WNT5B: variants seen among roughly 807,000 people sequenced by gnomAD.
The protein encoded by WNT5B is Wnt family member 5B, also known as protein Wnt-5b.
Under a neutral mutation model 36.5 loss-of-function variants are expected in WNT5B, and 18 were observed. The ratio of observed to expected loss-of-function variants is 0.49; its 90% CI spans 0.34 to 0.73. WNT5B has a LOEUF of 0.73. Among genes scored for constraint, WNT5B ranks in the 30% least tolerant of loss-of-function variants. The probability of loss-of-function intolerance (pLI) is 0.01; values close to 1 mark genes in which losing one functional copy is unlikely to be tolerated. For missense variants in WNT5B, 424 were observed against 508.4 expected, an observed-to-expected ratio of 0.83 and a Z score of 1.60; for synonymous variants, 213 against 212.3, an observed-to-expected ratio of 1.00 and a Z score of -0.03.
intron 4 of WNT5B, among the ~76,000 whole-genome samples, chr12:1,641,573 C>G (rs562535107): frequency 1.3e-5 from 2 of 151,980 alleles, no homozygotes; most frequent in Non-Finnish European, 2.9e-5. Context: ...GAGGCTGAGG[C>G]GGGTGGATCA....
chr12:1,622,107 CTTTTTTTTTTT>C (rs35497935), intron 1 of WNT5B, among the ~76,000 whole-genome samples: 1 of 99,054 alleles, frequency 1.0e-5, no homozygotes, highest in African/African-American at 4.1e-5. Flanking sequence ...TCTGACACTT[CTTTTTTTTTTT>C]TTTTTTTTTT....
chr12:1,639,619 G>C (rs966064680), intron 3 of WNT5B, 65 bp from the exon 4 acceptor site: 7 of 1,427,336 alleles, frequency 4.9e-6, no homozygotes, highest in Middle Eastern at 1.9e-4. Context: ...GGGGGAGACG[G>C]GGGGAAGGAC....
chr12:1,646,012 T>C lies in WNT5B; in HGVS notation c.840T>C (p.Tyr280=), dbSNP rs764426256. 16 of 1,612,448 alleles carry C rather than the reference T, an allele frequency of 9.9e-6. No individual in the cohort carries two copies. Among genetic ancestry groups the C allele is most frequent in the Non-Finnish European group, 3.4e-6 (4 of 1,179,948 alleles). ...FTQPTPEDLV[Y]VDPSPDYCLR... Reference sequence around the variant, plus strand: ...AGCCCACCCCGGAGGACCTGGTCTATGTGGACCCCAGCCCCGACTACTGCC... The same window carrying C: ...AGCCCACCCCGGAGGACCTGGTCTACGTGGACCCCAGCCCCGACTACTGCC... The change falls in exon 5 of 5, where the codon TAT becomes TAC. Residue 280 remains tyrosine (Y), a synonymous_variant. Transcript: ENST00000397196.
chr12:1,636,738 G>T (rs1291493809), intron 3 of WNT5B, among the ~76,000 whole-genome samples: 1 of 151,126 alleles, frequency 6.6e-6, no homozygotes, highest in East Asian at 1.9e-4. Flanking sequence ...GTTTTGAGAT[G>T]GAGTTTTACT....
rs1448847415 is a variant in WNT5B at position 1,630,222 on chromosome 12, G to A, written c.-58+851G>A. The stretch of plus-strand genomic sequence containing the variant: ...AGCCGGGGCGCGCGGGGCTGCGCTC[G>A]TCAGGTCCGGGGCCCCGGGGAGGCC... On this transcript the variant is annotated intron_variant, in intron 1 of 4. Coordinates refer to ENST00000397196, the MANE Select transcript of WNT5B (RefSeq NM_032642.3). This position sits in a 1 kb window ranked among gnomAD's most constrained non-coding sequence, Gnocchi z 5.3. The A allele has an allele frequency of 8.1e-6, 8 of 985,356 alleles. No homozygotes were observed. Among genetic ancestry groups the A allele is most frequent in the African/African-American group, 5.2e-5 (3 of 57,340 alleles). 61.0% of individuals were successfully genotyped at this position (985,356 alleles called of 1,614,324 possible). A position where few individuals can be genotyped will look rare whatever the true frequency, so the allele number is the denominator to read the frequency against.
intron 4 of WNT5B, among the ~76,000 whole-genome samples, 153 bp from the exon 5 acceptor site, chr12:1,645,641 C>T (rs554732633): frequency 2.0e-5 from 3 of 152,332 alleles, no homozygotes; most frequent in Non-Finnish European, 1.5e-5. Context: ...AGCACCTGAG[C>T]ATCTTGGAAA....
At chr12:1,622,185 ACTG>A (rs1265029362) in intron 1 of WNT5B, among the ~76,000 whole-genome samples, 1 of 139,180 alleles carries the variant, frequency 7.2e-6, no homozygotes, top group African/African-American at 2.7e-5. Context: ...ATCTCGGCTC[ACTG>A]CAAGCTCCGC....
Position 1,644,889 on chromosome 12 carries a change from C to T in WNT5B, c.622-905C>T, listed in dbSNP as rs185828501. On this transcript the variant is annotated intron_variant, in intron 4 of 4. Transcript: ENST00000397196. This position sits in a 1 kb window ranked among gnomAD's most constrained non-coding sequence, Gnocchi z 5.1. ...GTAGACTTGTTTTAGATGAACCGCT[C>T]CTGCAGGCAGGCCCAGCTGCTTGCA... 6.6e-6 allele frequency: 1 copy of T among 152,188 alleles called. No individual in the cohort carries two copies. Among genetic ancestry groups the T allele is most frequent in the Non-Finnish European group, 1.5e-5 (1 of 68,038 alleles). The allele number at this position is 152,188 out of a possible 1,614,324, so 9.4% of individuals were successfully genotyped here. A position where few individuals can be genotyped will look rare whatever the true frequency, so the allele number is the denominator to read the frequency against.
chr12:1,627,924 C>A (rs2094543441), upstream of WNT5B, among the ~76,000 whole-genome samples: 1 of 152,174 alleles, frequency 6.6e-6, no homozygotes, highest in African/African-American at 2.4e-5. This position sits in a 1 kb window ranked among gnomAD's most constrained non-coding sequence, Gnocchi z 5.0. Context: ...TGTTTGTTCA[C>A]TGCCATGTCT....
In WNT5B at chr12:1,632,959, G is replaced by A; in HGVS notation, c.328+54G>A. ...CAAGGAACTGCACTCGTCTCGTTTG[G>A]GAGCAATTAAGCTCTCTCAGGACTG... On this transcript the variant is annotated intron_variant, in intron 3 of 4. Coordinates refer to ENST00000397196, the MANE Select transcript of WNT5B (RefSeq NM_032642.3). This position sits in a 1 kb window ranked among gnomAD's most constrained non-coding sequence, Gnocchi z 5.8. The A allele has an allele frequency of 1.9e-6, 3 of 1,554,468 alleles. No homozygotes were observed. Among genetic ancestry groups the A allele is most frequent in the Non-Finnish European group, 2.6e-6 (3 of 1,146,784 alleles).
At chr12:1,636,702 A>AGTTTTGTTTTGTTTT (rs59138790) in intron 3 of WNT5B, among the ~76,000 whole-genome samples, 2 of 149,108 alleles carry the variant, frequency 1.3e-5, no homozygotes, top group African/African-American at 5.0e-5. Flanking sequence ...TACCATGCCC[A>AGTTTTGTTTTGTTTT]GTTTTGTTTT....
At chr12:1,620,674 G>T (rs1321394322) in intron 1 of WNT5B, among the ~76,000 whole-genome samples, 12 of 150,986 alleles carry the variant, frequency 7.9e-5, no homozygotes, top group Non-Finnish European at 1.8e-4. Context: ...AAGTAGCTGG[G>T]ACTACAGGCA....
At position 1,630,574 on chromosome 12, in the gene WNT5B, C is replaced by G. The variant is rs566372411; in HGVS notation, c.-57-724C>G. On this transcript the variant is annotated intron_variant, in intron 1 of 4. Transcript: ENST00000397196. This position sits in a 1 kb window ranked among gnomAD's most constrained non-coding sequence, Gnocchi z 5.3. ...AGCTGCTGGGCAAGGTACTCGGTGC[C>G]GCCCTCGAGGACCACGGTGCCGGGA... Among the ~76,000 whole-genome samples, 3 of 152,284 alleles carry G rather than the reference C, an allele frequency of 2.0e-5. No homozygotes were observed. In the South Asian group the frequency reaches 6.2e-4, roughly 32 times the overall value.
upstream of WNT5B, among the ~76,000 whole-genome samples, chr12:1,627,746 C>A (rs1194132231): frequency 6.6e-6 from 1 of 152,082 alleles, no homozygotes; most frequent in Non-Finnish European, 1.5e-5. This position sits in a 1 kb window ranked among gnomAD's most constrained non-coding sequence, Gnocchi z 5.0. Context: ...ATCGTTACAT[C>A]CCCTCCCACC....
At chr12:1,628,860 G>C (rs1477240182), upstream of WNT5B, among the ~76,000 whole-genome samples, 4 of 148,886 alleles carry the variant, frequency 2.7e-5, no homozygotes, top group African/African-American at 9.8e-5. Flanking sequence ...GGCCACTCAA[G>C]AATTGGCTCG....
At chr12:1,640,036 G>A (rs1381999081) in intron 4 of WNT5B, 60 bp downstream of exon 4, 1 of 1,539,618 alleles carries the variant, frequency 6.5e-7, no homozygotes, top group Non-Finnish European at 8.7e-7. Context: ...TTCCCGGGCT[G>A]TGCCACCAGC....
At chr12:1,639,203 T>C (rs1360790817) in intron 3 of WNT5B, among the ~76,000 whole-genome samples, 6 of 150,556 alleles carry the variant, frequency 4.0e-5, no homozygotes, top group Non-Finnish European at 8.9e-5. Context: ...AGTGGCGCGG[T>C]CTCAGCTCCC....
At chr12:1,622,214 C>A (rs1309232180) in intron 1 of WNT5B, among the ~76,000 whole-genome samples, 2 of 151,070 alleles carry the variant, frequency 1.3e-5, no homozygotes, top group African/African-American at 4.9e-5. Flanking sequence ...GGGTTCACGC[C>A]ATTCTCCTGC....
intron 4 of WNT5B, among the ~76,000 whole-genome samples, 188 bp downstream of exon 4, chr12:1,640,164 T>A (rs1033426464): frequency 6.6e-6 from 1 of 152,240 alleles, no homozygotes; most frequent in African/African-American, 2.4e-5. Flanking sequence ...CACTTCCCAA[T>A]GGGCATACGT....
Sources: gnomAD v4.1 joint callset for allele counts (sites outside exome capture counted in the v4.1 genomes callset) on GRCh38, gnomAD v4.1.1 for gene constraint, Gnocchi (gnomAD v3.1) non-coding constraint, MANE v1.5 for transcripts, NCBI Gene and HGNC (gene_info 2026-07-23, HGNC 2026-07-21) for gene names.